SPATA13: variants seen among roughly 807,000 people sequenced by gnomAD.
SPATA13 encodes the protein spermatogenesis-associated protein 13.
Under a neutral mutation model 104.0 loss-of-function variants are expected in SPATA13, and 50 were observed. The ratio of observed to expected loss-of-function variants is 0.48; its 90% CI spans 0.38 to 0.61. SPATA13 has a LOEUF of 0.61. Ranked by LOEUF, SPATA13 falls within the 20% of genes least tolerant of loss-of-function variation. SPATA13 has a pLI of 0.00. For synonymous variants in SPATA13, 606 were observed against 667.5 expected, an observed-to-expected ratio of 0.91 and a Z score of 1.42; for missense variants, 1,524 against 1,690.6, an observed-to-expected ratio of 0.90 and a Z score of 1.73.
At chr13:23,984,900 T>C (rs948694426) in intron 2 of SPATA13, among the ~76,000 whole-genome samples, 2 of 152,222 alleles carry the variant, frequency 1.3e-5, no homozygotes, top group Admixed American at 1.3e-4. Context: ...CAAGGTAGAA[T>C]GGTCTGTTTC....
chr13:24,126,793 G>A (rs1416974885), intron 3 of SPATA13, among the ~76,000 whole-genome samples: 2 of 152,116 alleles, frequency 1.3e-5, no homozygotes, highest in South Asian at 2.1e-4. Context: ...CTGGGCTCAA[G>A]AGATCCACCT....
intron 1 of SPATA13, among the ~76,000 whole-genome samples, chr13:24,172,427 G>A (rs981145714): frequency 4.6e-5 from 7 of 152,168 alleles, no homozygotes; most frequent in African/African-American, 7.2e-5. Flanking sequence ...TAAGAACTCC[G>A]TCGTAGTCCT....
intron 1 of SPATA13, among the ~76,000 whole-genome samples, chr13:24,202,780 G>A (rs1007366579): frequency 6.6e-6 from 1 of 151,866 alleles, no homozygotes; most frequent in African/African-American, 2.4e-5. Flanking sequence ...ATTAAGCAAA[G>A]GTAGTGAAAC....
At chr13:24,211,766 C>A (rs1871029920) in intron 1 of SPATA13, among the ~76,000 whole-genome samples, 2 of 152,132 alleles carry the variant, frequency 1.3e-5, no homozygotes, top group South Asian at 4.1e-4. Flanking sequence ...ACTTCTGCTG[C>A]CGGCTCCCAT....
chr13:24,123,243 A>G (rs1593344556), intron 3 of SPATA13: 23 of 1,600,744 alleles, frequency 1.4e-5, no homozygotes, highest in Admixed American at 6.7e-5. Flanking sequence ...TTGAAGGGCA[A>G]TGGCAGCTTC....
chr13:24,241,413 C>A (rs534070680), intron 2 of SPATA13, among the ~76,000 whole-genome samples: 1 of 152,330 alleles, frequency 6.6e-6, no homozygotes, highest in African/African-American at 2.4e-5. Flanking sequence ...CTTGAACAGG[C>A]GCATTTGTGA....
At chr13:24,027,133 C>CTTT (rs1877258176) in intron 3 of SPATA13, among the ~76,000 whole-genome samples, 1 of 90,576 alleles carries the variant, frequency 1.1e-5, no homozygotes, top group African/African-American at 4.0e-5. Flanking sequence ...TTTGTTTAGC[C>CTTT]GTTTTTTTTT....
At chr13:24,208,351 T>G (rs1870824918) in intron 1 of SPATA13, among the ~76,000 whole-genome samples, 1 of 152,180 alleles carries the variant, frequency 6.6e-6, no homozygotes, top group African/African-American at 2.4e-5. Context: ...TGGTTCCAAT[T>G]CCAAGTTGCA....
At chr13:24,037,443 TG>T (rs1262602931) in intron 3 of SPATA13, among the ~76,000 whole-genome samples, 5 of 152,142 alleles carry the variant, frequency 3.3e-5, no homozygotes, top group Non-Finnish European at 7.4e-5. Context: ...AGTCTCGCTC[TG>T]TTGCCCAGGC....
In SPATA13 at chr13:24,297,729, G is replaced by T; in HGVS notation, c.3577G>T (p.Glu1193Ter). 1 of 1,609,802 alleles carries T rather than the reference G, an allele frequency of 6.2e-7. No homozygotes were observed. Residue 1193 changes from glutamate to a stop codon, truncating the protein, a stop_gained, in exon 11 of 13, where the codon GAG becomes TAG. Coordinates refer to ENST00000382108, the MANE Select transcript of SPATA13 (RefSeq NM_001166271.3). LOFTEE classifies it high-confidence loss of function. Reference sequence around the variant, plus strand: ...AAGGAGGCGGGTGCAAGAGGACAAGGAGATGGGTGAGCAGCCCTTGGCTCT... The same window carrying T: ...AAGGAGGCGGGTGCAAGAGGACAAGTAGATGGGTGAGCAGCCCTTGGCTCT... ...DERRRVQEDK[E>*]MGMEISENQK... is the part of the protein sequence containing the mutation.
At chr13:24,149,094 G>A (rs987808608) in intron 3 of SPATA13, among the ~76,000 whole-genome samples, 1 of 152,200 alleles carries the variant, frequency 6.6e-6, no homozygotes, top group East Asian at 1.9e-4. Context: ...CAAAAGGGGG[G>A]CAGGAAGAAG....
intron 3 of SPATA13, among the ~76,000 whole-genome samples, chr13:24,023,961 C>T (rs560941501): frequency 3.5e-4 from 54 of 152,316 alleles, no homozygotes; most frequent in Non-Finnish European, 5.9e-4. Context: ...ACGCTAATAT[C>T]ATAGTCAGTT....
At chr13:24,298,315 C>G (rs1876937575) in intron 11 of SPATA13, among the ~76,000 whole-genome samples, 1 of 152,186 alleles carries the variant, frequency 6.6e-6, no homozygotes, top group Non-Finnish European at 1.5e-5. Flanking sequence ...AGCAGCCTGC[C>G]CTCATGCTTC....
At chr13:24,220,961 C>T (rs1188410154) in intron 1 of SPATA13, among the ~76,000 whole-genome samples, 1 of 152,226 alleles carries the variant, frequency 6.6e-6, no homozygotes, top group African/African-American at 2.4e-5. Context: ...ATCTCAAGAT[C>T]TTTAAAAAAT....
At chr13:24,046,474 G>A (rs1442124943) in intron 3 of SPATA13, among the ~76,000 whole-genome samples, 2 of 140,662 alleles carry the variant, frequency 1.4e-5, no homozygotes, top group Admixed American at 1.4e-4. Flanking sequence ...TTGTAGGGAT[G>A]GAGTCTTGCT....
intron 3 of SPATA13, among the ~76,000 whole-genome samples, chr13:24,078,725 A>G (rs1879411383): frequency 6.6e-6 from 1 of 152,228 alleles, no homozygotes; most frequent in Non-Finnish European, 1.5e-5. Flanking sequence ...TCTGCTGTCA[A>G]TAGCCCATCA....
chr13:23,982,815 A>G (rs1261827546), intron 1 of SPATA13, among the ~76,000 whole-genome samples: 1 of 152,234 alleles, frequency 6.6e-6, no homozygotes, highest in African/African-American at 2.4e-5. Flanking sequence ...ACCGTGTCAC[A>G]TGATTTTTAT....
Position 24,198,951 on chromosome 13 carries a change from CT to C in SPATA13, c.-111-23853del, listed in dbSNP as rs3067263. Among the ~76,000 whole-genome samples, 491 of 140,312 alleles carry C rather than the reference CT, an allele frequency of 3.5e-3. 3 individuals carry two copies. The East Asian group carries it at 0.038, about 11-fold the overall frequency. The allele number at this position is 140,312 out of a possible 152,430, so 92.1% of individuals were successfully genotyped here. Reference sequence around the variant, plus strand: ...TTACATATTCTTAGAACTATAAAATCTTTTTTTTTTTTTTTAAGGCAGGGTC... The same window carrying C: ...TTACATATTCTTAGAACTATAAAATCTTTTTTTTTTTTTTAAGGCAGGGTC... On this transcript the variant is annotated intron_variant, in intron 1 of 12. Transcript: ENST00000382108.
At chr13:24,062,360 A>G (rs1294749598) in intron 3 of SPATA13, among the ~76,000 whole-genome samples, 1 of 152,236 alleles carries the variant, frequency 6.6e-6, no homozygotes, top group Non-Finnish European at 1.5e-5. Flanking sequence ...GCAGGAGGCC[A>G]GGGACTGACT....
Sources: gnomAD v4.1 joint callset for allele counts (sites outside exome capture counted in the v4.1 genomes callset) on GRCh38, gnomAD v4.1.1 for gene constraint, MANE v1.5 for transcripts, NCBI Gene and HGNC (gene_info 2026-07-23, HGNC 2026-07-21) for gene names.